PSME4: variants seen among roughly 807,000 people sequenced by gnomAD.
PSME4 encodes proteasome activator complex subunit 4.
Under a neutral mutation model 253.9 loss-of-function variants are expected in PSME4, and 89 were observed. That is an observed-to-expected ratio of 0.35 (90% CI 0.30 to 0.42). PSME4 has a LOEUF of 0.42. Ranked by LOEUF, PSME4 falls within the 10% of genes least tolerant of loss-of-function variation. PSME4 has a pLI of 1.00. For missense variants in PSME4, 2,014 were observed against 2,195.2 expected, an observed-to-expected ratio of 0.92 and a Z score of 1.65; for synonymous variants, 851 against 759.2, an observed-to-expected ratio of 1.12 and a Z score of -1.99.
At chr2:53,967,908 A>G (rs147835698) in intron 1 of PSME4, among the ~76,000 whole-genome samples, 2,044 of 152,214 alleles carry the variant, frequency 0.013, 22 homozygotes, top group African/African-American at 0.031. Flanking sequence ...GATACACACA[A>G]TGACTGATGT....
At chr2:53,906,133 T>C (rs1035949302) in intron 26 of PSME4, among the ~76,000 whole-genome samples, 2 of 152,208 alleles carry the variant, frequency 1.3e-5, no homozygotes, top group African/African-American at 4.8e-5. Flanking sequence ...TAATCTCTTG[T>C]TCCTACACTA....
intron 4 of PSME4, among the ~76,000 whole-genome samples, chr2:53,938,347 T>C (rs1248946914): frequency 1.3e-5 from 2 of 152,310 alleles, no homozygotes; most frequent in African/African-American, 2.4e-5. Context: ...GGCTGTGATA[T>C]TCCATAACTG....
At chr2:53,944,133 A>G (rs893399509) in intron 3 of PSME4, among the ~76,000 whole-genome samples, 1 of 152,190 alleles carries the variant, frequency 6.6e-6, no homozygotes, top group Non-Finnish European at 1.5e-5. Context: ...TGTGAGAAAC[A>G]CTATCAAAAT....
intron 24 of PSME4, 57 bp downstream of exon 24, chr2:53,908,263 G>T: frequency 1.5e-6 from 2 of 1,328,790 alleles, no homozygotes; most frequent in South Asian, 1.3e-5. Context: ...CCCAAATTAC[G>T]AGGTTATTAT....
chr2:53,942,948 T>C (rs1044513060), intron 3 of PSME4, among the ~76,000 whole-genome samples: 1 of 152,310 alleles, frequency 6.6e-6, no homozygotes, highest in South Asian at 2.1e-4. Context: ...CTCGATTTCC[T>C]TATGATGCCA....
Position 53,970,749 on chromosome 2 carries a change from G to A in PSME4, c.36C>T (p.Pro12=), listed in dbSNP as rs1383288125. 1.9e-6 allele frequency: 3 copies of A among 1,545,300 alleles called. No homozygotes were observed. The highest frequency in any genetic ancestry group is 2.0e-5 in the Admixed American group (1 of 50,764). The part of the protein sequence containing the change: ...EPAERAGVGE[P]PEPGGRPEPG... Reference sequence around the variant, plus strand: ...GCTCGGGACGCCCGCCCGGCTCCGGGGGCTCTCCGACTCCCGCCCGCTCGG... The same window carrying A: ...GCTCGGGACGCCCGCCCGGCTCCGGAGGCTCTCCGACTCCCGCCCGCTCGG... The change falls in exon 1 of 47, where the codon CCC becomes CCT. Residue 12 remains proline (P), a synonymous_variant. Transcript: ENST00000404125.
chr2:53,937,825 C>T (rs1265441073), intron 4 of PSME4, among the ~76,000 whole-genome samples: 1 of 152,020 alleles, frequency 6.6e-6, no homozygotes, highest in Non-Finnish European at 1.5e-5. Context: ...TGGCAAAACC[C>T]AGTCTTTACA....
chr2:53,969,666 T>G (rs60121730), intron 1 of PSME4, among the ~76,000 whole-genome samples: 1 of 134,356 alleles, frequency 7.4e-6, no homozygotes, highest in Non-Finnish European at 1.6e-5. Context: ...TAACCTTTTT[T>G]CCCCCACTGT....
chr2:53,951,094 TC>T (rs947732181), intron 1 of PSME4, among the ~76,000 whole-genome samples: 1 of 151,990 alleles, frequency 6.6e-6, no homozygotes, highest in African/African-American at 2.4e-5. Context: ...TTCTTTTTTT[TC>T]CCCCCAAGAC....
intron 1 of PSME4, among the ~76,000 whole-genome samples, chr2:53,954,930 A>T (rs1196013826): frequency 6.6e-6 from 1 of 152,136 alleles, no homozygotes; most frequent in African/African-American, 2.4e-5. Flanking sequence ...CTATAATCCT[A>T]GCACTCTGGG....
intron 1 of PSME4, among the ~76,000 whole-genome samples, chr2:53,964,406 T>C (rs1159852938): frequency 2.0e-5 from 3 of 152,362 alleles, no homozygotes; most frequent in South Asian, 2.1e-4. Flanking sequence ...AAGAAATTCA[T>C]GTTCTCCAAA....
rs1678483206 is a variant in PSME4 at position 53,864,639 on chromosome 2, C to T, written c.*939G>A. ...CAATGCTATCTCTACAGTTTATACA[C>T]TCTTTTACATTTATATAACATATTA... is the stretch of plus-strand genomic sequence containing the variant. On this transcript the variant is annotated 3_prime_UTR_variant, in exon 47 of 47. Coordinates refer to ENST00000404125, the MANE Select transcript of PSME4 (RefSeq NM_014614.3). 6.6e-6 allele frequency: 1 copy of T among 151,164 alleles called. No individual in the cohort carries two copies. The highest frequency in any genetic ancestry group is 2.5e-5 in the African/African-American group (1 of 40,092). The allele number at this position is 151,164 out of a possible 1,614,324, so 9.4% of individuals were successfully genotyped here. A position where few individuals can be genotyped will look rare whatever the true frequency, so the allele number is the denominator to read the frequency against.
intron 1 of PSME4, among the ~76,000 whole-genome samples, chr2:53,956,103 C>T (rs979191734): frequency 6.6e-6 from 1 of 151,946 alleles, no homozygotes; most frequent in Non-Finnish European, 1.5e-5. Context: ...GGCAACATAG[C>T]AAAACCACAT....
chr2:53,908,959 C>A, intron 21 of PSME4, 119 bp from the exon 22 acceptor site: 2 of 680,946 alleles, frequency 2.9e-6, no homozygotes, highest in Non-Finnish European at 2.5e-6. Context: ...AATAGGTCTG[C>A]CTTTACCATA....
chr2:53,948,679 A>G, intron 2 of PSME4, 142 bp from the exon 3 acceptor site: 2 of 628,422 alleles, frequency 3.2e-6, no homozygotes, highest in Non-Finnish European at 5.6e-6. Context: ...ACTCACTAGC[A>G]GAACATAGTA....
intron 3 of PSME4, among the ~76,000 whole-genome samples, chr2:53,941,175 A>G (rs805363): frequency 0.29 from 41,043 of 143,358 alleles, 6,347 homozygotes; most frequent in South Asian, 0.47. Flanking sequence ...ATATTATATA[A>G]CCAAGAGAGG....
chr2:53,935,002 G>A (rs1447298858), intron 7 of PSME4, among the ~76,000 whole-genome samples: 2 of 152,060 alleles, frequency 1.3e-5, no homozygotes, highest in African/African-American at 4.8e-5. Flanking sequence ...GATTATTTAT[G>A]GCTAAATATA....
At chr2:53,949,720 G>C (rs561066275) in intron 1 of PSME4, among the ~76,000 whole-genome samples, 2 of 152,064 alleles carry the variant, frequency 1.3e-5, no homozygotes, top group African/African-American at 4.8e-5. Context: ...TTGCTGCCAG[G>C]GGTTGCAAGG....
At chr2:53,957,311 T>C (rs1030946690) in intron 1 of PSME4, among the ~76,000 whole-genome samples, 1 of 152,222 alleles carries the variant, frequency 6.6e-6, no homozygotes. Flanking sequence ...TCTATTATTA[T>C]TAAATTGTAA....
Sources: gnomAD v4.1 joint callset for allele counts (sites outside exome capture counted in the v4.1 genomes callset) on GRCh38, gnomAD v4.1.1 for gene constraint, MANE v1.5 for transcripts, NCBI Gene and HGNC (gene_info 2026-07-23, HGNC 2026-07-21) for gene names.